AKAP10: variants seen among roughly 807,000 people sequenced by gnomAD.
AKAP10 encodes the protein A-kinase anchoring protein 10.
Under a neutral mutation model 80.8 loss-of-function variants are expected in AKAP10, and 24 were observed. The ratio of observed to expected loss-of-function variants is 0.30; its 90% CI spans 0.22 to 0.42. AKAP10 has a LOEUF of 0.42. Ranked by LOEUF, AKAP10 falls within the 10% of genes least tolerant of loss-of-function variation. The pLI, the probability that AKAP10 is intolerant of heterozygous loss-of-function variation, is 1.00. For synonymous variants in AKAP10, 291 were observed against 277.7 expected (o/e 1.05, Z -0.48); for missense variants, 661 against 794.9 (o/e 0.83, Z 2.03).
chr17:19,964,143 C>T (rs2043386922), intron 2 of AKAP10, among the ~76,000 whole-genome samples: 1 of 152,018 alleles, frequency 6.6e-6, no homozygotes, highest in Admixed American at 6.6e-5. Context: ...TATTTATAAA[C>T]AAAAGCCAGT....
At chr17:19,918,991 T>C (rs2042780913) in intron 12 of AKAP10, among the ~76,000 whole-genome samples, 1 of 152,202 alleles carries the variant, frequency 6.6e-6, no homozygotes, top group Non-Finnish European at 1.5e-5. Context: ...CTTTGTTACA[T>C]ATGTATACAT....
At chr17:19,914,158 C>T (rs963399478) in intron 12 of AKAP10, among the ~76,000 whole-genome samples, 16 of 152,082 alleles carry the variant, frequency 1.1e-4, no homozygotes, top group African/African-American at 3.9e-4. Flanking sequence ...TGCCACCATG[C>T]CCAGCTAATT....
chr17:19,963,468 T>C (rs946531685), intron 2 of AKAP10, among the ~76,000 whole-genome samples: 3 of 152,184 alleles, frequency 2.0e-5, no homozygotes, highest in African/African-American at 7.2e-5. Context: ...TGAGAACTTC[T>C]ACTGTGGATA....
Position 19,941,035 on chromosome 17 carries a change from T to G in AKAP10, c.1062-25A>C, listed in dbSNP as rs368577689. ...CCTGCACATGGACAAAAGGGAAAAT[T>G]TGAGGGAACGACCAAGGAAAGAGTT... On this transcript the variant is annotated intron_variant, in intron 6 of 14. Transcript: ENST00000225737. 3.2e-6 allele frequency: 5 copies of G among 1,585,788 alleles called. No individual in the cohort carries two copies. In the African/African-American group the frequency reaches 6.8e-5, roughly 22 times the overall value.
intron 12 of AKAP10, among the ~76,000 whole-genome samples, chr17:19,917,646 T>C (rs1044164100): frequency 6.6e-6 from 1 of 152,094 alleles, no homozygotes; most frequent in Non-Finnish European, 1.5e-5. Context: ...GCCCCCAATA[T>C]TGTTCTTTTA....
chr17:19,937,224 G>A (rs1174197221), intron 8 of AKAP10, among the ~76,000 whole-genome samples: 3 of 152,224 alleles, frequency 2.0e-5, no homozygotes, highest in Admixed American at 6.5e-5. Flanking sequence ...CAAGCAGGCT[G>A]GGCACAGTGG....
intron 3 of AKAP10, among the ~76,000 whole-genome samples, chr17:19,962,498 T>C (rs1032193648): frequency 1.3e-5 from 2 of 152,176 alleles, no homozygotes; most frequent in Admixed American, 1.3e-4. Context: ...GACATTCAAA[T>C]TGTCAAACTT....
chr17:19,931,882 C>G lies in AKAP10; in HGVS notation c.1564G>C (p.Val522Leu). Reference protein sequence around the residue: ...VRGDEFLGGNVSLTAPGSVGP... With the variant: ...VRGDEFLGGNLSLTAPGSVGP... ...ACAGAGCCAGGAGCAGTCAGCGACA[C>G]GTTCCCGCCCAGAAATTCATCTCCT... Residue 522 changes from valine (V) to leucine (L), a missense_variant, in exon 10 of 15, where the codon GTG (valine) becomes CTG (leucine). Val to Leu is a conservative substitution (Grantham distance 32). Coordinates refer to ENST00000225737, the MANE Select transcript of AKAP10 (RefSeq NM_007202.4). 1 of 1,614,078 alleles carries G rather than the reference C, an allele frequency of 6.2e-7. No individual in the cohort carries two copies. The highest frequency in any genetic ancestry group is 8.5e-7 in the Non-Finnish European group (1 of 1,180,022).
Position 19,924,531 on chromosome 17 carries a change from T to G in AKAP10, c.1642-14A>C. The G allele has an allele frequency of 6.5e-7, 1 of 1,543,306 alleles. No homozygotes were observed. ...TTTCACACTGGACTACAATAGAAAT[T>G]GTAAAATTAGAAGTATATGAAACAA... On this transcript the variant is annotated splice_polypyrimidine_tract_variant and intron_variant, in intron 10 of 14. Coordinates refer to ENST00000225737, the MANE Select transcript of AKAP10 (RefSeq NM_007202.4).
intron 2 of AKAP10, among the ~76,000 whole-genome samples, chr17:19,964,663 A>C (rs897015599): frequency 1.3e-5 from 2 of 151,924 alleles, no homozygotes; most frequent in African/African-American, 4.8e-5. Flanking sequence ...AGGCTGAGGC[A>C]GGCAGATCAC....
chr17:19,936,501 CA>C (rs1181724850), intron 8 of AKAP10, 71 bp from the exon 9 acceptor site: 1 of 1,433,432 alleles, frequency 7.0e-7, no homozygotes, highest in East Asian at 2.4e-5. Context: ...GCACCTCCTC[CA>C]GAGAATCTTA....
chr17:19,946,213 ATATATATT>A lies in AKAP10; in HGVS notation c.976+1186_976+1193del, dbSNP rs1337722007. Among the ~76,000 whole-genome samples, 28 of 54,660 alleles carry A rather than the reference ATATATATT, an allele frequency of 5.1e-4. 4 individuals carry two copies. Among genetic ancestry groups the A allele is most frequent in the African/African-American group, 1.8e-3 (27 of 15,326 alleles). 35.9% of individuals were successfully genotyped at this position (54,660 alleles called of 152,430 possible). On this transcript the variant is annotated intron_variant, in intron 5 of 14. Transcript: ENST00000225737. ...ATACTAATACATATATTTTATATATATATATATTTTATATATATATATATTATATATAT... is the reference window on the plus strand; with the variant it reads ...ATACTAATACATATATTTTATATATATTATATATATATATATTATATATAT...
At chr17:19,976,830 T>C (rs1403704838) in intron 1 of AKAP10, among the ~76,000 whole-genome samples, 2 of 152,186 alleles carry the variant, frequency 1.3e-5, no homozygotes, top group African/African-American at 2.4e-5. Flanking sequence ...GTCTGGTACA[T>C]TTTATCTGAA....
Position 19,920,027 on chromosome 17 carries a change from A to G in AKAP10, c.1834+9T>C. On this transcript the variant is annotated intron_variant, in intron 12 of 14. Coordinates refer to ENST00000225737, the MANE Select transcript of AKAP10 (RefSeq NM_007202.4). ...AAGGCTTAATATGAAGTATAAAAACACCACAAACCTTTTGATTTCCTTACA... is the reference window on the plus strand; with the variant it reads ...AAGGCTTAATATGAAGTATAAAAACGCCACAAACCTTTTGATTTCCTTACA... The G allele has an allele frequency of 6.2e-7, 1 of 1,607,672 alleles. No homozygotes were observed. The highest frequency in any genetic ancestry group is 8.5e-7 in the Non-Finnish European group (1 of 1,174,914).
chr17:19,928,746 T>C (rs1251154638), intron 10 of AKAP10, among the ~76,000 whole-genome samples: 1 of 152,038 alleles, frequency 6.6e-6, no homozygotes, highest in Admixed American at 6.6e-5. Flanking sequence ...GGTGCGTGCC[T>C]ATAGTCCCAG....
At chr17:19,939,374 T>C (rs2043028128) in intron 8 of AKAP10, among the ~76,000 whole-genome samples, 1 of 152,190 alleles carries the variant, frequency 6.6e-6, no homozygotes, top group Non-Finnish European at 1.5e-5. Flanking sequence ...TTCCATGGCT[T>C]CTGGGCCAAT....
At position 19,919,919 on chromosome 17, in the gene AKAP10, G is replaced by A. The variant is rs547572913; in HGVS notation, c.1834+117C>T. ...TTACTTCTGACTATAAACACAAGGT[G>A]AAAGATACAGTGGTTACTTTACAAA... On this transcript the variant is annotated intron_variant, in intron 12 of 14. Coordinates refer to ENST00000225737, the MANE Select transcript of AKAP10 (RefSeq NM_007202.4). 3.6e-5 allele frequency: 28 copies of A among 786,506 alleles called. No homozygotes were observed. The South Asian group carries it at 5.1e-4, about 14-fold the overall frequency. 48.7% of individuals were successfully genotyped at this position (786,506 alleles called of 1,614,324 possible). A position where few individuals can be genotyped will look rare whatever the true frequency, so the allele number is the denominator to read the frequency against.
At position 19,931,985 on chromosome 17, in the gene AKAP10, G is replaced by C. The variant is rs1363324235; in HGVS notation, c.1468-7C>G. The C allele has an allele frequency of 6.2e-7, 1 of 1,603,370 alleles. No homozygotes were observed. Among genetic ancestry groups the C allele is most frequent in the Non-Finnish European group, 8.5e-7 (1 of 1,175,960 alleles). ...AAAAGCCAGGCAAAAAGACCTGATAGAGATGAAAAGCATTATTTTAAAGTT... is the reference window on the plus strand; with the variant it reads ...AAAAGCCAGGCAAAAAGACCTGATACAGATGAAAAGCATTATTTTAAAGTT... On this transcript the variant is annotated splice_polypyrimidine_tract_variant and splice_region_variant and intron_variant, in intron 9 of 14. Transcript: ENST00000225737.
chr17:19,958,657 G>A, intron 3 of AKAP10, 86 bp from the exon 4 acceptor site: 1 of 1,126,904 alleles, frequency 8.9e-7, no homozygotes, highest in Non-Finnish European at 1.2e-6. Context: ...AGCAACAACT[G>A]GTACCAGAGA....
Sources: gnomAD v4.1 joint callset for allele counts (sites outside exome capture counted in the v4.1 genomes callset) on GRCh38, gnomAD v4.1.1 for gene constraint, MANE v1.5 for transcripts, NCBI Gene and HGNC (gene_info 2026-07-23, HGNC 2026-07-21) for gene names.